SMURF1: variants seen among roughly 807,000 people sequenced by gnomAD.
SMURF1 encodes the protein SMAD specific E3 ubiquitin protein ligase 1, also known as E3 ubiquitin-protein ligase SMURF1.
A neutral mutation model predicts 98.0 loss-of-function variants in SMURF1; 44 were observed. The ratio of observed to expected loss-of-function variants is 0.45; its 90% confidence interval spans 0.35 to 0.58. The LOEUF is 0.58. SMURF1 is among the 20% of genes least tolerant of loss of function. SMURF1 has a pLI of 0.00. For missense variants in SMURF1, 687 were observed against 938.4 expected, an observed-to-expected ratio of 0.73 and a Z score of 3.50; for synonymous variants, 396 against 374.9, an observed-to-expected ratio of 1.06 and a Z score of -0.65.
intron 1 of SMURF1, among the ~76,000 whole-genome samples, chr7:99,127,535 T>A (rs947921877): frequency 7.9e-5 from 12 of 151,774 alleles, no homozygotes; most frequent in Admixed American, 2.0e-4. Context: ...CTAAAAAAAA[T>A]TTAAAATAAA....
rs561794450 is a variant in SMURF1 at position 99,038,637 on chromosome 7, C to G, written c.1551-112G>C. The G allele has an allele frequency of 2.2e-5, 29 of 1,316,110 alleles. No homozygotes were observed. The African/African-American group carries it at 3.4e-4, about 15-fold the overall frequency. The allele number at this position is 1,316,110 out of a possible 1,614,324, so 81.5% of individuals were successfully genotyped here. On this transcript the variant is annotated intron_variant, in intron 13 of 17. Transcript: ENST00000361368. ...AACCCGGGGCTGCAAGACAGGACAG[C>G]CTCGGGCAGACACAGAACCTGCGTG...
At position 99,143,949 on chromosome 7, in the gene SMURF1, G is replaced by C. The variant is rs1444882239; in HGVS notation, c.-169C>G. Reference sequence around the variant, plus strand: ...GCGTCCGGGCGGCAGGCGGATGGTCGAGCCGGGAGATCGGCGCTTGCTGCG... The same window carrying C: ...GCGTCCGGGCGGCAGGCGGATGGTCCAGCCGGGAGATCGGCGCTTGCTGCG... On this transcript the variant is annotated 5_prime_UTR_variant, in exon 1 of 18. Coordinates refer to ENST00000361368, the MANE Select transcript of SMURF1 (RefSeq NM_181349.3). 87 of 472,858 alleles carry C rather than the reference G, an allele frequency of 1.8e-4. 1 individual carries two copies. Among genetic ancestry groups the C allele is most frequent in the Non-Finnish European group, 4.2e-5 (12 of 285,420 alleles). The allele number at this position is 472,858 out of a possible 1,614,324, so 29.3% of individuals were successfully genotyped here. A position where few individuals can be genotyped will look rare whatever the true frequency, so the allele number is the denominator to read the frequency against.
intron 11 of SMURF1, among the ~76,000 whole-genome samples, chr7:99,043,282 A>G (rs1011345212): frequency 2.0e-5 from 3 of 152,222 alleles, no homozygotes; most frequent in Non-Finnish European, 4.4e-5. Context: ...CTGGGGAGAT[A>G]AGTGTAGCCT....
At chr7:99,070,946 A>AAT (rs142937951) in intron 1 of SMURF1, among the ~76,000 whole-genome samples, 57 of 151,644 alleles carry the variant, frequency 3.8e-4, no homozygotes, top group African/African-American at 8.0e-4. Flanking sequence ...TTGGAAATAA[A>AAT]ATATATATAT....
In SMURF1 at chr7:99,143,798, G is replaced by T. The variant is rs763155345; in HGVS notation, c.-18C>A. On this transcript the variant is annotated 5_prime_UTR_variant, in exon 1 of 18. Transcript: ENST00000361368. ...TTCGACATCTCCCGCCAACGATCGG[G>T]CAGCCGCGGATCCAGCGCCACCGCC... 158 of 1,546,400 alleles carry T rather than the reference G, an allele frequency of 1.0e-4. No homozygotes were observed. The highest frequency in any genetic ancestry group is 1.3e-4 in the Non-Finnish European group (153 of 1,149,422).
chr7:99,068,718 C>G (rs1177790532), intron 1 of SMURF1, among the ~76,000 whole-genome samples: 1 of 152,212 alleles, frequency 6.6e-6, no homozygotes, highest in Non-Finnish European at 1.5e-5. Flanking sequence ...GAGTTTCTCC[C>G]TGGGTATTAA....
At chr7:99,033,864 T>A (rs558003573) in intron 16 of SMURF1, among the ~76,000 whole-genome samples, 8 of 152,336 alleles carry the variant, frequency 5.3e-5, no homozygotes, top group Non-Finnish European at 7.4e-5. Flanking sequence ...CCACTGCTGC[T>A]GCAAAGACGG....
intron 14 of SMURF1, among the ~76,000 whole-genome samples, chr7:99,037,749 G>A (rs953582791): frequency 5.3e-5 from 8 of 152,250 alleles, no homozygotes; most frequent in Non-Finnish European, 1.5e-5. Flanking sequence ...ATCAATTGCT[G>A]CAATGTGAAA....
intron 1 of SMURF1, among the ~76,000 whole-genome samples, chr7:99,122,329 A>G (rs1797651287): frequency 6.8e-6 from 1 of 146,784 alleles, no homozygotes; most frequent in Non-Finnish European, 1.5e-5. Flanking sequence ...CTCTGTCTCA[A>G]AAAAAAAAAA....
chr7:99,090,464 T>G (rs1331573320), intron 1 of SMURF1, among the ~76,000 whole-genome samples: 1 of 152,002 alleles, frequency 6.6e-6, no homozygotes, highest in Non-Finnish European at 1.5e-5. Context: ...ATAATCCCCT[T>G]ACAGTCAATT....
Position 99,060,592 on chromosome 7 carries a change from A to G in SMURF1, c.203+7T>C, listed in dbSNP as rs1796010774. The G allele has an allele frequency of 6.2e-7, 1 of 1,609,136 alleles. No individual in the cohort carries two copies. The highest frequency in any genetic ancestry group is 8.5e-7 in the Non-Finnish European group (1 of 1,176,084). ...TCCGCATGGGGCTTACAGAACATTC[A>G]ACTCACAGATCATAGTGCTGGTTCC... On this transcript the variant is annotated splice_region_variant and intron_variant, in intron 3 of 17. Transcript: ENST00000361368.
At chr7:99,124,102 T>G (rs1344168995) in intron 1 of SMURF1, among the ~76,000 whole-genome samples, 1 of 152,250 alleles carries the variant, frequency 6.6e-6, no homozygotes, top group African/African-American at 2.4e-5. Context: ...ACCTATCTTG[T>G]GAGTTTATCA....
intron 1 of SMURF1, among the ~76,000 whole-genome samples, chr7:99,137,022 AATAAAG>A (rs1481290323): frequency 6.6e-6 from 1 of 152,190 alleles, no homozygotes; most frequent in Non-Finnish European, 1.5e-5. Flanking sequence ...ATAAAATAAA[AATAAAG>A]ATAATACTGG....
At chr7:99,108,078 C>T (rs911985735) in intron 1 of SMURF1, among the ~76,000 whole-genome samples, 5 of 152,044 alleles carry the variant, frequency 3.3e-5, no homozygotes, top group Non-Finnish European at 7.4e-5. Flanking sequence ...ATGCAAAAAC[C>T]ACGAACAGAA....
chr7:99,125,792 C>T lies in SMURF1; in HGVS notation c.55+17934G>A, dbSNP rs553737935. On this transcript the variant is annotated intron_variant, in intron 1 of 17. Coordinates refer to ENST00000361368, the MANE Select transcript of SMURF1 (RefSeq NM_181349.3). ...TCCTCAGGGCATGAAAGGAAAAGTC[C>T]CTACTTTCTACCCAGCAGGCCTATA... Among the ~76,000 whole-genome samples the T allele has an allele frequency of 6.6e-5, 10 of 152,278 alleles. No individual in the cohort carries two copies. The South Asian group carries it at 2.1e-3, about 32-fold the overall frequency.
At chr7:99,142,450 G>T (rs1022490603) in intron 1 of SMURF1, among the ~76,000 whole-genome samples, 2 of 151,748 alleles carry the variant, frequency 1.3e-5, no homozygotes, top group African/African-American at 4.8e-5. Context: ...GAAGAGGGCT[G>T]GACCAGGGGG....
At chr7:99,040,287 ACACACACGCGCGCGCGCG>A (rs1422768744) in intron 13 of SMURF1, 73 bp downstream of exon 13, 2 of 1,255,828 alleles carry the variant, frequency 1.6e-6, no homozygotes, top group Non-Finnish European at 2.1e-6. Context: ...CCCAAAATAC[ACACACACGCGCGCGCGCG>A]CGCACGCGCA....
At chr7:99,044,217 C>T (rs540030405) in intron 11 of SMURF1, among the ~76,000 whole-genome samples, 13 of 152,064 alleles carry the variant, frequency 8.5e-5, no homozygotes, top group Non-Finnish European at 1.8e-4. Context: ...GGGGCTGAGG[C>T]ATGAGAATCA....
chr7:99,085,037 T>C (rs1796649722), intron 1 of SMURF1, among the ~76,000 whole-genome samples: 1 of 152,066 alleles, frequency 6.6e-6, no homozygotes, highest in African/African-American at 2.4e-5. Flanking sequence ...TGCTTCCCCT[T>C]CACCTTCCAC....
Sources: gnomAD v4.1 joint callset for allele counts (sites outside exome capture counted in the v4.1 genomes callset) on GRCh38, gnomAD v4.1.1 for gene constraint, MANE v1.5 for transcripts, NCBI Gene and HGNC (gene_info 2026-07-23, HGNC 2026-07-21) for gene names.